IL1RAPL2: variants seen among roughly 807,000 people sequenced by gnomAD.
IL1RAPL2 encodes the protein X-linked interleukin-1 receptor accessory protein-like 2.
IL1RAPL2 carries 3 observed loss-of-function variants against 44.1 expected under a neutral mutation model. That is an observed-to-expected ratio of 0.07 (90% CI 0.03 to 0.18). The LOEUF is 0.18. IL1RAPL2 is among the 10% of genes least tolerant of loss of function. IL1RAPL2 has a pLI of 1.00. For synonymous variants in IL1RAPL2, 181 were observed against 178.8 expected, an observed-to-expected ratio of 1.01 and a Z score of -0.10; for missense variants, 391 against 496.4, an observed-to-expected ratio of 0.79 and a Z score of 2.02.
chrX:104,690,919 C>CCTG (rs1931081389), intron 2 of IL1RAPL2, among the ~76,000 whole-genome samples: 1 of 111,833 alleles, frequency 8.9e-6, no homozygotes, highest in Non-Finnish European at 1.9e-5. Context: ...AGGCATCCAG[C>CCTG]CTGCTTTCCA....
chrX:105,254,245 C>T (rs148111751), intron 4 of IL1RAPL2, among the ~76,000 whole-genome samples: 1,731 of 111,540 alleles, frequency 0.016, 16 homozygotes, highest in Admixed American at 0.043. Flanking sequence ...AATAGCTATC[C>T]GACTAGTATG....
chrX:105,641,485 T>C (rs1247573234), intron 6 of IL1RAPL2, among the ~76,000 whole-genome samples: 2 of 111,948 alleles, frequency 1.8e-5, no homozygotes, highest in African/African-American at 3.2e-5. Context: ...GGGGAAAGGC[T>C]GGATACAGGC....
chrX:105,423,553 A>G (rs1017909223), intron 5 of IL1RAPL2, among the ~76,000 whole-genome samples: 1 of 111,540 alleles, frequency 9.0e-6, no homozygotes, highest in African/African-American at 3.3e-5. Flanking sequence ...GAGTTGGTCA[A>G]ATCTGATGGG....
At chrX:105,726,528 G>T (rs1190323283) in intron 7 of IL1RAPL2, among the ~76,000 whole-genome samples, 4 of 111,694 alleles carry the variant, frequency 3.6e-5, no homozygotes, top group Non-Finnish European at 5.7e-5. Context: ...AGGACAGACA[G>T]ATAAAGCCAG....
At chrX:104,737,661 G>A (rs1326900953) in intron 2 of IL1RAPL2, among the ~76,000 whole-genome samples, 1 of 111,786 alleles carries the variant, frequency 8.9e-6, no homozygotes, top group Non-Finnish European at 1.9e-5. Flanking sequence ...AAACATTCAA[G>A]ACCTGTCAGT....
intron 5 of IL1RAPL2, among the ~76,000 whole-genome samples, chrX:105,368,109 G>A (rs1356185824): frequency 1.8e-5 from 2 of 110,494 alleles, no homozygotes; most frequent in Non-Finnish European, 3.8e-5. Flanking sequence ...GAGGTTTTTG[G>A]GTCGTGGGGA....
At chrX:104,945,804 T>C (rs1291330966) in intron 2 of IL1RAPL2, among the ~76,000 whole-genome samples, 1 of 112,022 alleles carries the variant, frequency 8.9e-6, no homozygotes, top group Admixed American at 9.4e-5. Flanking sequence ...CATCTTTCTT[T>C]GATGTGATTC....
intron 2 of IL1RAPL2, among the ~76,000 whole-genome samples, chrX:104,866,023 C>T (rs1192360534): frequency 1.8e-5 from 2 of 112,440 alleles, no homozygotes; most frequent in Non-Finnish European, 3.8e-5. Flanking sequence ...CTGGCAGTTG[C>T]TTTCCTTCTA....
chrX:104,925,588 A>G (rs1192645373), intron 2 of IL1RAPL2, among the ~76,000 whole-genome samples: 1 of 112,271 alleles, frequency 8.9e-6, no homozygotes, highest in Non-Finnish European at 1.9e-5. Flanking sequence ...AAACAGAACT[A>G]AAGACAAAAA....
At chrX:105,339,001 G>A (rs1277485169) in intron 5 of IL1RAPL2, among the ~76,000 whole-genome samples, 1 of 111,558 alleles carries the variant, frequency 9.0e-6, no homozygotes, top group East Asian at 2.8e-4. Flanking sequence ...TACTCGGGAG[G>A]CTGAGGCAAG....
chrX:104,645,162 G>A (rs1481869571), intron 1 of IL1RAPL2, among the ~76,000 whole-genome samples: 3 of 110,731 alleles, frequency 2.7e-5, no homozygotes, highest in South Asian at 3.8e-4. Context: ...TTTATCCTTC[G>A]CTACCTTCTT....
intron 2 of IL1RAPL2, among the ~76,000 whole-genome samples, chrX:104,846,513 A>T (rs1023831982): frequency 1.8e-5 from 2 of 111,453 alleles, no homozygotes; most frequent in Non-Finnish European, 3.8e-5. Context: ...ATGTCCCTAC[A>T]AAGGACATGA....
intron 2 of IL1RAPL2, among the ~76,000 whole-genome samples, chrX:104,900,088 C>G (rs1473748178): frequency 1.8e-5 from 2 of 111,787 alleles, no homozygotes; most frequent in Non-Finnish European, 3.8e-5. Context: ...TGATAAGACA[C>G]AGCCAATTCC....
chrX:104,686,334 C>T (rs1055464421), intron 2 of IL1RAPL2, among the ~76,000 whole-genome samples: 1 of 111,955 alleles, frequency 8.9e-6, no homozygotes, highest in East Asian at 2.8e-4. Flanking sequence ...CAGATGTAAC[C>T]GAGTGTACAT....
intron 6 of IL1RAPL2, among the ~76,000 whole-genome samples, chrX:105,711,781 A>G (rs1433278180): frequency 1.8e-5 from 2 of 111,920 alleles, no homozygotes; most frequent in Non-Finnish European, 3.8e-5. Flanking sequence ...AAAATACAAT[A>G]GTGGGACAGG....
chrX:104,700,294 T>C (rs1931253856), intron 2 of IL1RAPL2, among the ~76,000 whole-genome samples: 1 of 111,691 alleles, frequency 9.0e-6, no homozygotes, highest in African/African-American at 3.2e-5. Context: ...CTATTCAGAA[T>C]CCAGGGCAGC....
intron 2 of IL1RAPL2, among the ~76,000 whole-genome samples, chrX:105,143,908 G>A (rs2033151487): frequency 9.1e-6 from 1 of 110,031 alleles, no homozygotes; most frequent in Non-Finnish European, 1.9e-5. Context: ...GTTAATGGGT[G>A]CAGCACACCA....
intron 2 of IL1RAPL2, among the ~76,000 whole-genome samples, chrX:104,733,180 G>T (rs777964076): frequency 8.9e-6 from 1 of 111,780 alleles, no homozygotes; most frequent in South Asian, 3.7e-4. Context: ...AATCTTGCCT[G>T]CTATCACTAC....
At chrX:104,652,809 G>A (rs759256993) in intron 1 of IL1RAPL2, among the ~76,000 whole-genome samples, 46 of 111,030 alleles carry the variant, frequency 4.1e-4, no homozygotes, top group Admixed American at 1.2e-3. Context: ...TAAAGCTTTG[G>A]CTTGCTTACT....
Sources: allele counts gnomAD v4.1 joint callset (sites outside exome capture counted in the v4.1 genomes callset), GRCh38; gene constraint gnomAD v4.1.1; transcripts MANE v1.5; gene names NCBI Gene and HGNC (gene_info 2026-07-23, HGNC 2026-07-21).